TNFSF13B: variants seen among roughly 807,000 people sequenced by gnomAD.
TNFSF13B encodes tumor necrosis factor ligand superfamily member 13B.
TNFSF13B carries 8 observed loss-of-function variants against 29.1 expected under a neutral mutation model. The observed-to-expected ratio is 0.27, with a 90% CI of 0.16 to 0.50. TNFSF13B has a LOEUF of 0.50. Ranked by LOEUF, TNFSF13B falls within the 20% of genes least tolerant of loss-of-function variation. The pLI is 0.98. For missense variants in TNFSF13B, 248 were observed against 334.9 expected, an observed-to-expected ratio of 0.74 and a Z score of 2.03; for synonymous variants, 125 against 130.8, an observed-to-expected ratio of 0.96 and a Z score of 0.30.
chr13:108,272,841 AAACTTT>A (rs1880658491), intron 2 of TNFSF13B, among the ~76,000 whole-genome samples: 1 of 152,044 alleles, frequency 6.6e-6, no homozygotes, highest in Non-Finnish European at 1.5e-5. Flanking sequence ...TTTTAAAAAT[AAACTTT>A]AACTTTACAA....
At position 108,300,765 on chromosome 13, in the gene TNFSF13B, A is replaced by G. The variant is rs560505934; in HGVS notation, c.482-2488A>G. ...AAGCCAATTAGACCTGCCCATATCA[A>G]GGCACATTCACCCTTGGTGAGAGAC... On this transcript the variant is annotated intron_variant, in intron 3 of 5. Transcript: ENST00000375887. Among the ~76,000 whole-genome samples, 5 of 152,302 alleles carry G rather than the reference A, an allele frequency of 3.3e-5. No individual in the cohort carries two copies. In the East Asian group the frequency reaches 9.7e-4, roughly 29 times the overall value.
intron 3 of TNFSF13B, 84 bp downstream of exon 3, chr13:108,286,943 C>T (rs527994816): frequency 1.2e-6 from 1 of 821,186 alleles, no homozygotes; most frequent in Non-Finnish European, 1.9e-6. Context: ...CACATATACG[C>T]TATGGAATAC....
chr13:108,273,471 C>T (rs1369633315), intron 2 of TNFSF13B, among the ~76,000 whole-genome samples: 1 of 152,088 alleles, frequency 6.6e-6, no homozygotes, highest in African/African-American at 2.4e-5. Context: ...ACATAGCGCC[C>T]TTTGTAGTCT....
At chr13:108,306,732 A>ATT (rs11381410) in intron 5 of TNFSF13B, 94 bp from the exon 6 acceptor site, 21,517 of 566,498 alleles carry the variant, frequency 0.038, 102 homozygotes, top group East Asian at 0.16. Context: ...CTATGTTAAC[A>ATT]TTTTTTTTTT....
intron 5 of TNFSF13B, among the ~76,000 whole-genome samples, chr13:108,305,549 C>G (rs1261756456): frequency 1.3e-5 from 2 of 152,104 alleles, no homozygotes; most frequent in African/African-American, 4.8e-5. Context: ...AATGTTAGGT[C>G]ATTTCCAATC....
At chr13:108,289,087 A>G (rs1290995448) in intron 3 of TNFSF13B, among the ~76,000 whole-genome samples, 1 of 142,834 alleles carries the variant, frequency 7.0e-6, no homozygotes, top group South Asian at 2.3e-4. Context: ...AAGTAAAAGA[A>G]AGCCAGAAGA....
chr13:108,276,829 T>C (rs892059878), intron 2 of TNFSF13B, among the ~76,000 whole-genome samples: 5 of 152,228 alleles, frequency 3.3e-5, no homozygotes, highest in Non-Finnish European at 7.3e-5. Flanking sequence ...TGTTTATACC[T>C]GTGTTGTTTT....
intron 3 of TNFSF13B, among the ~76,000 whole-genome samples, chr13:108,292,917 T>C (rs1412114245): frequency 6.6e-6 from 1 of 152,174 alleles, no homozygotes; most frequent in Non-Finnish European, 1.5e-5. Context: ...CACAAGAGTG[T>C]TGTACATCAG....
rs147480991 is a variant in TNFSF13B, at chr13:108,284,908, C to A, written c.425-1895C>A. ...ACTGTACGCTTGGGGCTTTAGCTGC[C>A]CCGGAGGCTTTGTTATTCCTTTCTT... On this transcript the variant is annotated intron_variant, in intron 2 of 5. Transcript: ENST00000375887. Among the ~76,000 whole-genome samples the A allele has an allele frequency of 3.9e-5, 6 of 152,252 alleles. No homozygotes were observed. The East Asian group carries it at 7.7e-4, about 20-fold the overall frequency.
intron 2 of TNFSF13B, among the ~76,000 whole-genome samples, chr13:108,280,891 A>G (rs2139048502): frequency 6.6e-6 from 1 of 152,310 alleles, no homozygotes; most frequent in Admixed American, 6.5e-5. Context: ...AGTTACAGAA[A>G]ATTATCATTT....
chr13:108,298,839 C>T (rs1881526412), intron 3 of TNFSF13B, among the ~76,000 whole-genome samples: 1 of 145,306 alleles, frequency 6.9e-6, no homozygotes, highest in South Asian at 2.1e-4. Context: ...GGCGTAGTGG[C>T]ACTTGCCTGT....
At chr13:108,298,568 T>C (rs1881518619) in intron 3 of TNFSF13B, among the ~76,000 whole-genome samples, 1 of 145,614 alleles carries the variant, frequency 6.9e-6, no homozygotes, top group South Asian at 2.1e-4. Flanking sequence ...GTGTTAGTTC[T>C]CCCATTTTGT....
Position 108,275,719 on chromosome 13 carries a change from C to A in TNFSF13B, c.424+5295C>A, listed in dbSNP as rs187734823. On this transcript the variant is annotated intron_variant, in intron 2 of 5. Coordinates refer to ENST00000375887, the MANE Select transcript of TNFSF13B (RefSeq NM_006573.5). ...AAGAATACAGTGTGTTGGCATGTACCCCTATCCAGCTTCCCTAATACTAAC... is the reference window on the plus strand; with the variant it reads ...AAGAATACAGTGTGTTGGCATGTACACCTATCCAGCTTCCCTAATACTAAC... Among the ~76,000 whole-genome samples, 112 of 152,070 alleles carry A rather than the reference C, an allele frequency of 7.4e-4. 2 individuals are homozygous for A. Among genetic ancestry groups the A allele is most frequent in the Non-Finnish European group, 1.4e-3 (92 of 67,972 alleles).
chr13:108,281,310 G>GT (rs1880947509), intron 2 of TNFSF13B, among the ~76,000 whole-genome samples: 1 of 152,064 alleles, frequency 6.6e-6, no homozygotes. Flanking sequence ...ATCAGCTGTG[G>GT]TTTTTTCTAT....
chr13:108,288,899 A>T (rs147043459), intron 3 of TNFSF13B, among the ~76,000 whole-genome samples: 2 of 152,264 alleles, frequency 1.3e-5, no homozygotes, highest in African/African-American at 2.4e-5. Flanking sequence ...GATGAATGTG[A>T]GTTGGCACTG....
intron 3 of TNFSF13B, among the ~76,000 whole-genome samples, chr13:108,293,433 G>T (rs1202745638): frequency 3.3e-5 from 5 of 152,116 alleles, no homozygotes; most frequent in Non-Finnish European, 7.4e-5. Flanking sequence ...CAAATGAATT[G>T]TAAGGCTGGC....
chr13:108,303,155 A>G, intron 3 of TNFSF13B, 98 bp from the exon 4 acceptor site: 1 of 774,530 alleles, frequency 1.3e-6, no homozygotes, highest in East Asian at 2.7e-5. Flanking sequence ...TTTAGGATGG[A>G]ATTATCTTCT....
Position 108,299,994 on chromosome 13 carries a change from T to C in TNFSF13B, c.482-3259T>C, listed in dbSNP as rs183071291. ...ACTAAGAAGTGGGTCTTTAATTTTA[T>C]ACATATAAATTTAATGTAAAAAATC... On this transcript the variant is annotated intron_variant, in intron 3 of 5. Coordinates refer to ENST00000375887, the MANE Select transcript of TNFSF13B (RefSeq NM_006573.5). Among the ~76,000 whole-genome samples the C allele has an allele frequency of 1.1e-4, 17 of 152,298 alleles. No individual in the cohort carries two copies. The East Asian group carries it at 3.3e-3, about 29-fold the overall frequency.
rs58093140 is a variant in TNFSF13B, at chr13:108,307,016, C to CAAAAAA, written c.*104_*109dup. 7 of 76,662 alleles carry CAAAAAA rather than the reference C, an allele frequency of 9.1e-5. No individual in the cohort carries two copies. Among genetic ancestry groups the CAAAAAA allele is most frequent in the Non-Finnish European group, 1.5e-4 (6 of 40,982 alleles). The allele number at this position is 76,662 out of a possible 1,614,324, so 4.7% of individuals were successfully genotyped here. A position where few individuals can be genotyped will look rare whatever the true frequency, so the allele number is the denominator to read the frequency against. On this transcript the variant is annotated 3_prime_UTR_variant, in exon 6 of 6. Transcript: ENST00000375887. ...GAAGAAAGAATCTAACTGAAAATACCAAAAAAAAAAAAAAAAAAAAAAAAA... is the reference window on the plus strand; with the variant it reads ...GAAGAAAGAATCTAACTGAAAATACCAAAAAAAAAAAAAAAAAAAAAAAAAAAAAAA...
Sources: gnomAD v4.1 joint callset for allele counts (sites outside exome capture counted in the v4.1 genomes callset) on GRCh38, gnomAD v4.1.1 for gene constraint, MANE v1.5 for transcripts, NCBI Gene and HGNC (gene_info 2026-07-23, HGNC 2026-07-21) for gene names.